Variants in GCNT2 observed in about 807,000 individuals in gnomAD.
The protein encoded by GCNT2 is N-acetyllactosaminide beta-1,6-N-acetylglucosaminyl-transferase.
Under a neutral mutation model 34.2 loss-of-function variants are expected in GCNT2, and 34 were observed. The observed-to-expected ratio is 1.00, with a 90% CI of 0.76 to 1.32. The LOEUF is 1.32. Among genes scored for constraint, GCNT2 ranks in the 40% most tolerant of loss-of-function variants. The pLI, the probability that GCNT2 is intolerant of heterozygous loss-of-function variation, is 0.00. For synonymous variants in GCNT2, 212 were observed against 188.0 expected, an observed-to-expected ratio of 1.13 and a Z score of -1.04; for missense variants, 584 against 489.4, an observed-to-expected ratio of 1.19 and a Z score of -1.82.
intron 1 of GCNT2, among the ~76,000 whole-genome samples, chr6:10,524,906 G>C (rs1380866782): frequency 6.6e-6 from 1 of 150,976 alleles, no homozygotes; most frequent in East Asian, 1.9e-4. Flanking sequence ...TTAAAAACCA[G>C]TTTAATCCAA....
At chr6:10,624,544 T>G (rs1766181016) in intron 4 of GCNT2, among the ~76,000 whole-genome samples, 1 of 152,174 alleles carries the variant, frequency 6.6e-6, no homozygotes, top group South Asian at 2.1e-4. Context: ...GGAGCTGCAA[T>G]TCAAGATGAG....
At chr6:10,525,059 G>A (rs550695173) in intron 1 of GCNT2, among the ~76,000 whole-genome samples, 3 of 152,186 alleles carry the variant, frequency 2.0e-5, no homozygotes, top group African/African-American at 7.2e-5. Flanking sequence ...GCATCATATG[G>A]TCCATGAATA....
At chr6:10,606,813 GTA>G (rs965172816) in intron 3 of GCNT2, among the ~76,000 whole-genome samples, 1 of 151,692 alleles carries the variant, frequency 6.6e-6, no homozygotes, top group Non-Finnish European at 1.5e-5. Flanking sequence ...TAATAGTTCA[GTA>G]TATGTTTTTT....
chr6:10,569,275 C>CACACACACCCACACACACA (rs1491437125), intron 3 of GCNT2, among the ~76,000 whole-genome samples: 1 of 101,332 alleles, frequency 9.9e-6, no homozygotes, highest in Non-Finnish European at 2.0e-5. Flanking sequence ...ACACACACAC[C>CACACACACCCACACACACA]CCCTAGGTAA....
intron 3 of GCNT2, among the ~76,000 whole-genome samples, chr6:10,570,890 G>T (rs551857508): frequency 4.4e-4 from 67 of 152,268 alleles, no homozygotes; most frequent in African/African-American, 1.6e-3. Context: ...CCACTTCTAA[G>T]CCTTGTAGAT....
intron 3 of GCNT2, among the ~76,000 whole-genome samples, chr6:10,573,753 C>CAGCT (rs1430234515): frequency 6.6e-6 from 1 of 152,214 alleles, no homozygotes; most frequent in Non-Finnish European, 1.5e-5. Flanking sequence ...ACCAGCAGGC[C>CAGCT]AGCTCACTGG....
intron 3 of GCNT2, among the ~76,000 whole-genome samples, chr6:10,582,137 ATG>A (rs1350665519): frequency 2.2e-5 from 3 of 139,220 alleles, no homozygotes; most frequent in Admixed American, 7.7e-5. Context: ...AAATGCATAT[ATG>A]ATATATTCAT....
intron 3 of GCNT2, among the ~76,000 whole-genome samples, chr6:10,541,244 C>T (rs752475082): frequency 2.2e-4 from 33 of 152,176 alleles, no homozygotes; most frequent in South Asian, 4.1e-4. Flanking sequence ...TCAGCTCCCA[C>T]GTATGAGAAC....
intron 3 of GCNT2, chr6:10,586,933 T>C (rs747757623): frequency 1.3e-6 from 2 of 1,552,072 alleles, no homozygotes; most frequent in South Asian, 2.2e-5. Flanking sequence ...TAATTTCCAT[T>C]CTGATTGATA....
At chr6:10,531,871 C>T (rs1416711971) in intron 3 of GCNT2, among the ~76,000 whole-genome samples, 2 of 133,978 alleles carry the variant, frequency 1.5e-5, no homozygotes, top group Non-Finnish European at 3.2e-5. Flanking sequence ...AGGCCAATCC[C>T]CACTTTTTTT....
rs1169328563 is a variant in GCNT2 at position 10,563,958 on chromosome 6, G to A, written c.925+34122G>A. ...TTCATTGAATGATTGCAATTACTGC[G>A]AATATTCTGAAGATGAAACTTAGCT... On this transcript the variant is annotated intron_variant, in intron 3 of 4. Transcript: ENST00000495262. Among the ~76,000 whole-genome samples the A allele has an allele frequency of 2.0e-5, 3 of 151,800 alleles. No homozygotes were observed. In the South Asian group the frequency reaches 6.3e-4, roughly 32 times the overall value.
At chr6:10,596,394 GC>G (rs1281865372) in intron 3 of GCNT2, among the ~76,000 whole-genome samples, 2 of 152,068 alleles carry the variant, frequency 1.3e-5, no homozygotes. Context: ...GGTGGTGCAT[GC>G]CTGTAATCCC....
At position 10,599,681 on chromosome 6, in the gene GCNT2, T is replaced by C. The variant is rs376202086; in HGVS notation, c.926-21670T>C. Among the ~76,000 whole-genome samples, 37 of 152,310 alleles carry C rather than the reference T, an allele frequency of 2.4e-4. No individual in the cohort carries two copies. In the South Asian group the frequency reaches 5.8e-3, roughly 24 times the overall value. On this transcript the variant is annotated intron_variant, in intron 3 of 4. Transcript: ENST00000495262. The stretch of plus-strand genomic sequence containing the variant: ...TCATGGCTTCTTGTAGCTTACGATC[T>C]TGGACAGATCTTTTCAATTCTCCAC...
chr6:10,538,856 C>T (rs1208261759), intron 3 of GCNT2, among the ~76,000 whole-genome samples: 2 of 152,038 alleles, frequency 1.3e-5, no homozygotes, highest in African/African-American at 4.8e-5. Flanking sequence ...TTTTAATATT[C>T]TGTTGCTCCT....
At chr6:10,604,265 T>C (rs781753567) in intron 3 of GCNT2, among the ~76,000 whole-genome samples, 2 of 152,194 alleles carry the variant, frequency 1.3e-5, no homozygotes, top group Admixed American at 6.5e-5. Context: ...TTGATCTTTG[T>C]TTTTTGTACT....
chr6:10,534,246 A>G (rs948535244), intron 3 of GCNT2, among the ~76,000 whole-genome samples: 24 of 150,542 alleles, frequency 1.6e-4, no homozygotes, highest in African/African-American at 5.6e-4. Context: ...GGTTCAAGCA[A>G]TTCTCCTGTC....
At chr6:10,587,389 A>G (rs911734679) in intron 3 of GCNT2, among the ~76,000 whole-genome samples, 2 of 152,196 alleles carry the variant, frequency 1.3e-5, no homozygotes, top group African/African-American at 4.8e-5. Flanking sequence ...TGCTTCGGAT[A>G]TTCACAAATC....
intron 3 of GCNT2, among the ~76,000 whole-genome samples, chr6:10,584,956 G>C (rs487757): frequency 0.6 from 90,529 of 150,986 alleles, 27,280 homozygotes; most frequent in Admixed American, 0.65. Flanking sequence ...TAAAATGTCA[G>C]TCCTAGGTTC....
intron 3 of GCNT2, among the ~76,000 whole-genome samples, chr6:10,546,457 G>C (rs1762273584): frequency 6.6e-6 from 1 of 152,110 alleles, no homozygotes; most frequent in Admixed American, 6.5e-5. Context: ...AGGAGTTCGA[G>C]ACCAGCCTGG....
Sources: allele counts gnomAD v4.1 joint callset (sites outside exome capture counted in the v4.1 genomes callset), GRCh38; gene constraint gnomAD v4.1.1; transcripts MANE v1.5; gene names NCBI Gene and HGNC (gene_info 2026-07-23, HGNC 2026-07-21).